The following MYRFL variants were observed in gnomAD, a reference collection of about 807,000 sequenced individuals.
MYRFL encodes the protein myelin regulatory factor-like protein.
MYRFL carries 88 observed loss-of-function variants against 109.4 expected under a neutral mutation model. The observed-to-expected ratio is 0.80, with a 90% CI of 0.68 to 0.96. MYRFL has a LOEUF of 0.96. MYRFL is among the 40% of genes least tolerant of loss of function. MYRFL has a pLI of 0.00. For missense variants in MYRFL, 957 were observed against 954.9 expected (o/e 1.00, Z -0.03); for synonymous variants, 324 against 320.9 (o/e 1.01, Z -0.10).
intron 15 of MYRFL, 117 bp from the exon 16 acceptor site, chr12:69,932,396 G>A (rs1955298323): frequency 3.1e-6 from 2 of 639,748 alleles, no homozygotes; most frequent in East Asian, 2.8e-5. Context: ...ATTGAGGCAA[G>A]CACTCAAACT....
At chr12:69,848,329 T>G (rs1263606051) in intron 1 of MYRFL, among the ~76,000 whole-genome samples, 1 of 152,024 alleles carries the variant, frequency 6.6e-6, no homozygotes, top group African/African-American at 2.4e-5. Context: ...CCTTAAGAAA[T>G]TTTTGATTGT....
intron 2 of MYRFL, among the ~76,000 whole-genome samples, chr12:69,872,891 C>T (rs1885436846): frequency 6.6e-6 from 1 of 152,088 alleles, no homozygotes; most frequent in Non-Finnish European, 1.5e-5. Context: ...CTCAGCGTCC[C>T]AAAGCACTGG....
At chr12:69,939,457 T>TC (rs964305393) in intron 19 of MYRFL, among the ~76,000 whole-genome samples, 1 of 151,960 alleles carries the variant, frequency 6.6e-6, no homozygotes, top group Non-Finnish European at 1.5e-5. Context: ...GGCAGGGTAC[T>TC]CCAACAGACC....
chr12:69,881,928 C>T (rs1276984392), intron 5 of MYRFL, among the ~76,000 whole-genome samples: 3 of 152,126 alleles, frequency 2.0e-5, no homozygotes, highest in Admixed American at 6.5e-5. Context: ...AAATCCCTAG[C>T]CAGACGGGGG....
At chr12:69,941,774 T>C (rs1321770694) in intron 19 of MYRFL, among the ~76,000 whole-genome samples, 1 of 150,452 alleles carries the variant, frequency 6.6e-6, no homozygotes, top group Non-Finnish European at 1.5e-5. Flanking sequence ...TCAACAAAAT[T>C]GATAGACCGC....
chr12:69,907,959 C>T (rs1329864354), intron 11 of MYRFL, among the ~76,000 whole-genome samples: 1 of 152,128 alleles, frequency 6.6e-6, no homozygotes, highest in Non-Finnish European at 1.5e-5. Flanking sequence ...CTGCAAGGCC[C>T]TCCCTGCTCT....
intron 7 of MYRFL, among the ~76,000 whole-genome samples, chr12:69,893,562 A>G (rs1275305010): frequency 1.3e-5 from 2 of 152,094 alleles, no homozygotes; most frequent in Non-Finnish European, 1.5e-5. Flanking sequence ...GTTTAATTTC[A>G]CAGGTATTTA....
At chr12:69,907,051 G>T (rs911132566) in intron 11 of MYRFL, among the ~76,000 whole-genome samples, 16 of 152,166 alleles carry the variant, frequency 1.1e-4, no homozygotes, top group African/African-American at 3.6e-4. Flanking sequence ...GTAAGTGCTG[G>T]CCTGGGTAGG....
At chr12:69,830,759 G>A in intron 1 of MYRFL, among the ~76,000 whole-genome samples, 1 of 152,090 alleles carries the variant, frequency 6.6e-6, no homozygotes. Context: ...AATTTGAAGT[G>A]TGCCGTAAGG....
rs780026143 is a variant in MYRFL, at chr12:69,893,831, A to G, written c.971A>G (p.Asn324Ser). The part of the protein sequence containing the change: ...SQADRSKKIF[N>S]PVKIDLLADQ... Reference sequence around the variant, plus strand: ...GCAGATAGGAGCAAAAAGATTTTCAATCCTGTTAAGTAAGAATTTATTTTC... The same window carrying G: ...GCAGATAGGAGCAAAAAGATTTTCAGTCCTGTTAAGTAAGAATTTATTTTC... The change falls in exon 8 of 25, where the codon AAT becomes AGT. Residue 324 changes from asparagine to serine, a missense_variant. Coordinates refer to ENST00000552032, the MANE Select transcript of MYRFL (RefSeq NM_182530.3). The G allele has an allele frequency of 7.3e-7, 1 of 1,369,660 alleles. No homozygotes were observed. The highest frequency in any genetic ancestry group is 9.4e-7 in the Non-Finnish European group (1 of 1,059,696). The allele number at this position is 1,369,660 out of a possible 1,614,324, so 84.8% of individuals were successfully genotyped here. A position where few individuals can be genotyped will look rare whatever the true frequency, so the allele number is the denominator to read the frequency against.
chr12:69,825,439 G>T lies in MYRFL; in HGVS notation c.-79G>T, dbSNP rs1031302293. The T allele has an allele frequency of 4.3e-6, 3 of 693,392 alleles. No individual in the cohort carries two copies. Among genetic ancestry groups the T allele is most frequent in the Non-Finnish European group, 7.9e-6 (3 of 381,574 alleles). 43.0% of individuals were successfully genotyped at this position (693,392 alleles called of 1,614,324 possible). A position where few individuals can be genotyped will look rare whatever the true frequency, so the allele number is the denominator to read the frequency against. On this transcript the variant is annotated 5_prime_UTR_variant, in exon 1 of 25. Transcript: ENST00000552032. ...TTTTTCAAGAGCATTCGTAGGCTTC[G>T]AATCAAAAGGACAGTACTTATTTCC... is the stretch of plus-strand genomic sequence containing the variant.
intron 19 of MYRFL, among the ~76,000 whole-genome samples, chr12:69,950,565 C>A (rs75750956): frequency 6.6e-6 from 1 of 152,068 alleles, no homozygotes. Flanking sequence ...TCATATGAGC[C>A]AGGCTTCAGT....
chr12:69,891,637 T>TTTTCTTTCTTTCTTTC (rs3970813), intron 7 of MYRFL, among the ~76,000 whole-genome samples: 4,283 of 53,408 alleles, frequency 0.08, 319 homozygotes, highest in Middle Eastern at 0.12. Flanking sequence ...CTTCCTTTCT[T>TTTTCTTTCTTTCTTTC]TTTCTTTCTT....
At chr12:69,871,231 C>CT (rs58723853) in intron 2 of MYRFL, among the ~76,000 whole-genome samples, 41,800 of 124,500 alleles carry the variant, frequency 0.34, 7,971 homozygotes, top group Non-Finnish European at 0.39. Flanking sequence ...TTGGATATTT[C>CT]TTTTTTTTTT....
chr12:69,936,526 G>C lies in MYRFL; in HGVS notation c.2118G>C (p.Pro706=), dbSNP rs61764065. ...VPEITFCEIL[P]CQETYCCPIR... is the part of the protein sequence containing the mutation. The stretch of plus-strand genomic sequence containing the variant: ...AAATTACTTTCTGTGAAATCCTGCC[G>C]TGTCAGGAGACTTATTGCTGCCCCA... Residue 706 remains proline (P), a synonymous_variant, in exon 19 of 25, where the codon CCG becomes CCC. Transcript: ENST00000552032. 3.9e-6 allele frequency: 6 copies of C among 1,535,892 alleles called. No individual in the cohort carries two copies. The Admixed American group carries it at 5.9e-5, about 15-fold the overall frequency.
intron 13 of MYRFL, among the ~76,000 whole-genome samples, chr12:69,915,161 G>A (rs184476051): frequency 1.3e-5 from 2 of 152,274 alleles, no homozygotes; most frequent in Admixed American, 1.3e-4. Context: ...TGTAAAACAA[G>A]CAGTATGTAC....
rs542770106 is a variant in MYRFL, at chr12:69,879,085, G to T, written c.195G>T (p.Pro65=). 11 of 702,920 alleles carry T rather than the reference G, an allele frequency of 1.6e-5. No homozygotes were observed. Among genetic ancestry groups the T allele is most frequent in the Admixed American group, 1.2e-4 (6 of 50,004 alleles). The allele number at this position is 702,920 out of a possible 1,614,324, so 43.5% of individuals were successfully genotyped here. The change falls in exon 3 of 25, where the codon CCG becomes CCT. Residue 65 remains proline (P), a synonymous_variant. Coordinates refer to ENST00000552032, the MANE Select transcript of MYRFL (RefSeq NM_182530.3). ...PYSASDSCSP[P]QVKGACYPTL... ...CTGCATCCGACTCATGCTCTCCTCCGCAGGTCAAAGGTGAGTGCGATCCAC... is the reference window on the plus strand; with the variant it reads ...CTGCATCCGACTCATGCTCTCCTCCTCAGGTCAAAGGTGAGTGCGATCCAC...
At chr12:69,867,776 A>G (rs1430513518) in intron 2 of MYRFL, among the ~76,000 whole-genome samples, 2 of 152,154 alleles carry the variant, frequency 1.3e-5, no homozygotes, top group African/African-American at 2.4e-5. Flanking sequence ...GTGAGAGAGT[A>G]CGTGGAGTTC....
chr12:69,844,595 G>A (rs1308681355), intron 1 of MYRFL, among the ~76,000 whole-genome samples: 7 of 152,156 alleles, frequency 4.6e-5, no homozygotes, highest in Admixed American at 3.3e-4. Flanking sequence ...GGCACGGGGC[G>A]GTCGTGAGAG....
Sources: allele counts gnomAD v4.1 joint callset (sites outside exome capture counted in the v4.1 genomes callset), GRCh38; gene constraint gnomAD v4.1.1; transcripts MANE v1.5; gene names NCBI Gene and HGNC (gene_info 2026-07-23, HGNC 2026-07-21).